The following PMPCB variants were observed in gnomAD, a reference collection of about 807,000 sequenced individuals.
The protein encoded by PMPCB is peptidase, mitochondrial processing subunit beta, also known as mitochondrial-processing peptidase subunit beta.
A neutral mutation model predicts 61.5 loss-of-function variants in PMPCB; 46 were observed. That is an observed-to-expected ratio of 0.75 (90% CI 0.59 to 0.96). PMPCB has a LOEUF of 0.96. Ranked by LOEUF, PMPCB falls within the 40% of genes least tolerant of loss-of-function variation. The probability of loss-of-function intolerance (pLI) is 0.00; values close to 1 mark genes in which losing one functional copy is unlikely to be tolerated. For missense variants in PMPCB, 590 were observed against 602.4 expected, an observed-to-expected ratio of 0.98 and a Z score of 0.22; for synonymous variants, 191 against 201.6, an observed-to-expected ratio of 0.95 and a Z score of 0.44.
In PMPCB at chr7:103,313,174, A is replaced by G. The variant is rs2878; in HGVS notation, c.*903A>G. 0.14 allele frequency: 213,063 copies of G among 1,497,770 alleles called. 21,030 individuals carry two copies. The highest frequency in any genetic ancestry group is 0.52 in the African/African-American group (36,479 of 70,090). 92.8% of individuals were successfully genotyped at this position (1,497,770 alleles called of 1,614,324 possible). A position where few individuals can be genotyped will look rare whatever the true frequency, so the allele number is the denominator to read the frequency against. On this transcript the variant is annotated 3_prime_UTR_variant, in exon 13 of 13. Transcript: ENST00000249269. ...CAGACAAGTCTTGTGGTCCACAAGT[A>G]TTCGCTAAGTGCCCATTTCAATCTG...
At position 103,322,527 on chromosome 7, in the gene PMPCB, T is replaced by TG; in HGVS notation, c.*1432-6403dup. 3 of 1,513,400 alleles carry TG rather than the reference T, an allele frequency of 2.0e-6. No individual in the cohort carries two copies. The South Asian group carries it at 3.5e-5, about 18-fold the overall frequency. 93.7% of individuals were successfully genotyped at this position (1,513,400 alleles called of 1,614,324 possible). On this transcript the variant is annotated intron_variant and NMD_transcript_variant, in intron 12 of 12. Transcript: ENST00000444457. ...TTGTCTTACTTTTTCTTTAGCTTCTTGCTCCTTCCGTTTAGCTTCTGCTTT... is the reference window on the plus strand; with the variant it reads ...TTGTCTTACTTTTTCTTTAGCTTCTTGGCTCCTTCCGTTTAGCTTCTGCTTT...
the PMPCB span, among the ~76,000 whole-genome samples, chr7:103,345,602 ATATAT>A: frequency 6.7e-6 from 1 of 149,794 alleles, no homozygotes; most frequent in African/African-American, 2.4e-5. Flanking sequence ...AAGTTTTTAA[ATATAT>A]TATATATATA....
At position 103,313,107 on chromosome 7, in the gene PMPCB, T is replaced by G. The variant is rs1817848789; in HGVS notation, c.*836T>G. Reference sequence around the variant, plus strand: ...GGTGAAGTCTGTATATGGACCTGATTAAGAAAAATTTTTATTTGAAAACTG... The same window carrying G: ...GGTGAAGTCTGTATATGGACCTGATGAAGAAAAATTTTTATTTGAAAACTG... On this transcript the variant is annotated 3_prime_UTR_variant, in exon 13 of 13. Coordinates refer to ENST00000249269, the MANE Select transcript of PMPCB (RefSeq NM_004279.3). 1 of 1,593,606 alleles carries G rather than the reference T, an allele frequency of 6.3e-7. No individual in the cohort carries two copies. Among genetic ancestry groups the G allele is most frequent in the Admixed American group, 1.9e-5 (1 of 53,884 alleles).
chr7:103,343,493 G>T, the PMPCB span, among the ~76,000 whole-genome samples: 5 of 152,166 alleles, frequency 3.3e-5, no homozygotes, highest in Non-Finnish European at 7.3e-5. Context: ...TCTGACAGTG[G>T]CTATGTGACC....
At chr7:103,307,904 A>C (rs1817631290) in intron 7 of PMPCB, among the ~76,000 whole-genome samples, 196 bp downstream of exon 7, 1 of 152,040 alleles carries the variant, frequency 6.6e-6, no homozygotes, top group East Asian at 1.9e-4. Flanking sequence ...TAAGGAAGCA[A>C]GGTTTTTTTT....
At chr7:103,337,632 T>C in the PMPCB span, 3 of 898,534 alleles carry the variant, frequency 3.3e-6, no homozygotes, top group Non-Finnish European at 5.2e-6. Flanking sequence ...TGCTGTTAAA[T>C]GTAGTTATGG....
At chr7:103,344,974 TAA>T in the PMPCB span, 2 of 426,192 alleles carry the variant, frequency 4.7e-6, no homozygotes, top group Admixed American at 8.2e-5. Context: ...ACATAACCTT[TAA>T]AAGCAGTTCT....
Position 103,304,005 on chromosome 7 carries a change from TGGAC to T in PMPCB, c.626_629del (p.Arg209GlnfsTer12), listed in dbSNP as rs1159515513. On this transcript the variant is annotated frameshift_variant, in exon 5 of 13. Transcript: ENST00000249269. LOFTEE classifies it high-confidence loss of function. ...CCACAGCTTATCAAAATACTGCACT[TGGAC>T]GGACAATTTTGGGACCAACTGAAAA... is the stretch of plus-strand genomic sequence containing the variant. 14 of 1,613,952 alleles carry T rather than the reference TGGAC, an allele frequency of 8.7e-6. No individual in the cohort carries two copies. The highest frequency in any genetic ancestry group is 1.7e-5 in the Admixed American group (1 of 60,030).
At chr7:103,325,236 GA>G (rs959262024) in intron 12 of PMPCB, among the ~76,000 whole-genome samples, 16 of 152,332 alleles carry the variant, frequency 1.1e-4, no homozygotes, top group African/African-American at 3.8e-4. Flanking sequence ...CTGAGGCCAG[GA>G]GTTTGAGACC....
downstream of PMPCB, chr7:103,315,726 T>G (rs1216540805): frequency 7.2e-7 from 1 of 1,382,314 alleles, no homozygotes; most frequent in African/African-American, 1.4e-5. Context: ...CACAGATACA[T>G]GGCTAGCATT....
Position 103,312,772 on chromosome 7 carries a change from C to A in PMPCB, c.*501C>A. The A allele has an allele frequency of 6.6e-7, 1 of 1,513,166 alleles. No individual in the cohort carries two copies. 93.7% of individuals were successfully genotyped at this position (1,513,166 alleles called of 1,614,324 possible). A position where few individuals can be genotyped will look rare whatever the true frequency, so the allele number is the denominator to read the frequency against. On this transcript the variant is annotated 3_prime_UTR_variant, in exon 13 of 13. Transcript: ENST00000249269. ...TAAATATACTGATTTCATTATCTGC[C>A]AGGGCCTAGAAAGTTTCTAAGGTTG... is the stretch of plus-strand genomic sequence containing the variant.
chr7:103,316,122 T>C (rs185675701), downstream of PMPCB: 8 of 1,382,928 alleles, frequency 5.8e-6, no homozygotes, highest in Admixed American at 1.4e-4. Context: ...ATATGAATAG[T>C]AGTAAGGAAA....
chr7:103,297,637 G>C, intron 1 of PMPCB, 79 bp downstream of exon 1: 3 of 1,588,412 alleles, frequency 1.9e-6, no homozygotes, highest in Non-Finnish European at 2.6e-6. Flanking sequence ...CGGCGCCACA[G>C]ATCCGAACAG....
chr7:103,346,108 T>C, the PMPCB span, among the ~76,000 whole-genome samples: 1 of 152,126 alleles, frequency 6.6e-6, no homozygotes, highest in Admixed American at 6.5e-5. Flanking sequence ...ATTTTACCAT[T>C]AACTCTAACA....
intron 6 of PMPCB, among the ~76,000 whole-genome samples, chr7:103,306,812 G>C (rs1817605563): frequency 6.6e-6 from 1 of 152,078 alleles, no homozygotes; most frequent in Non-Finnish European, 1.5e-5. Flanking sequence ...TTGGAGTGCA[G>C]TGGTGTGATC....
intron 5 of PMPCB, 35 bp from the exon 6 acceptor site, chr7:103,304,375 TG>T (rs1586043120): frequency 8.5e-7 from 1 of 1,182,270 alleles, no homozygotes; most frequent in Middle Eastern, 2.1e-4. Context: ...GTTTTTTTTT[TG>T]GTTTCCTTTA....
chr7:103,330,843 A>T (rs1156740340), downstream of PMPCB, among the ~76,000 whole-genome samples: 1 of 151,874 alleles, frequency 6.6e-6, no homozygotes, highest in African/African-American at 2.4e-5. Flanking sequence ...TGGCCTCCCA[A>T]AGTGCTAGAA....
downstream of PMPCB, among the ~76,000 whole-genome samples, chr7:103,318,061 A>C (rs77084592): frequency 0.012 from 1,851 of 152,314 alleles, 38 homozygotes; most frequent in African/African-American, 0.042. Context: ...TTAATCAAAG[A>C]TTTGCAGTAA....
Position 103,309,102 on chromosome 7 carries a change from G to C in PMPCB, c.993+7G>C. 5.7e-6 allele frequency: 9 copies of C among 1,578,190 alleles called. No individual in the cohort carries two copies. The highest frequency in any genetic ancestry group is 6.9e-6 in the Non-Finnish European group (8 of 1,164,204). On this transcript the variant is annotated splice_region_variant and intron_variant, in intron 8 of 12. Coordinates refer to ENST00000249269, the MANE Select transcript of PMPCB (RefSeq NM_004279.3). Reference sequence around the variant, plus strand: ...CTCTTTTGGGGGAGGAATGGTAAGTGATTTTAAAAGAAATTTTCCATAACA... The same window carrying C: ...CTCTTTTGGGGGAGGAATGGTAAGTCATTTTAAAAGAAATTTTCCATAACA...
Sources: allele counts gnomAD v4.1 joint callset (sites outside exome capture counted in the v4.1 genomes callset), GRCh38; gene constraint gnomAD v4.1.1; transcripts MANE v1.5; gene names NCBI Gene and HGNC (gene_info 2026-07-23, HGNC 2026-07-21).